The following NRXN3 variants were observed in gnomAD, a reference collection of about 807,000 sequenced individuals.
NRXN3 encodes neurexin 3.
NRXN3 carries 32 observed loss-of-function variants against 137.6 expected under a neutral mutation model. That is an observed-to-expected ratio of 0.23 (90% CI 0.18 to 0.31). NRXN3 has a LOEUF of 0.31. NRXN3 is among the 10% of genes least tolerant of loss of function. The probability of loss-of-function intolerance (pLI) is 1.00; values close to 1 mark genes in which losing one functional copy is unlikely to be tolerated. For synonymous variants in NRXN3, 798 were observed against 784.5 expected, an observed-to-expected ratio of 1.02 and a Z score of -0.29; for missense variants, 1,574 against 2,062.5, an observed-to-expected ratio of 0.76 and a Z score of 4.59.
At chr14:79,383,852 A>G (rs1161731247) in intron 15 of NRXN3, among the ~76,000 whole-genome samples, 1 of 152,132 alleles carries the variant, frequency 6.6e-6, no homozygotes, top group Admixed American at 6.6e-5. Context: ...TCTTCTCCAG[A>G]CTTTTCATTA....
At chr14:79,437,357 T>A (rs893743273) in intron 15 of NRXN3, among the ~76,000 whole-genome samples, 36 of 151,690 alleles carry the variant, frequency 2.4e-4, no homozygotes, top group Non-Finnish European at 4.7e-4. Context: ...CACAGTTTTT[T>A]CCCCGGGCTA....
At chr14:79,130,747 T>G (rs1174116527) in intron 15 of NRXN3, among the ~76,000 whole-genome samples, 7 of 152,220 alleles carry the variant, frequency 4.6e-5, no homozygotes, top group Non-Finnish European at 1.0e-4. Flanking sequence ...TTGGGGAAGT[T>G]TTCCTGGATA....
chr14:79,827,838 G>A (rs2099310030), intron 20 of NRXN3, among the ~76,000 whole-genome samples: 1 of 152,040 alleles, frequency 6.6e-6, no homozygotes. Context: ...GGGATTACAG[G>A]CTCATGCCAC....
intron 15 of NRXN3, among the ~76,000 whole-genome samples, chr14:79,127,796 T>C (rs1337693208): frequency 6.6e-6 from 1 of 152,214 alleles, no homozygotes; most frequent in Admixed American, 6.5e-5. Context: ...TATTGATTCT[T>C]CCTACCGATG....
chr14:78,901,441 C>T (rs1034444634), intron 10 of NRXN3, among the ~76,000 whole-genome samples: 2 of 151,958 alleles, frequency 1.3e-5, no homozygotes, highest in South Asian at 2.1e-4. Context: ...TTTCTTTCCA[C>T]CATGACATCA....
At chr14:79,740,712 T>TTTTATA (rs1555679790) in intron 19 of NRXN3, among the ~76,000 whole-genome samples, 10 of 16,124 alleles carry the variant, frequency 6.2e-4, no homozygotes, top group Admixed American at 1.0e-3. Flanking sequence ...ATTTAGTTTT[T>TTTTATA]TATATATATA....
intron 16 of NRXN3, among the ~76,000 whole-genome samples, chr14:79,578,870 A>G (rs1349103611): frequency 6.6e-6 from 1 of 152,136 alleles, no homozygotes; most frequent in Non-Finnish European, 1.5e-5. Flanking sequence ...AAGAATCTAT[A>G]TGTACAGTGG....
intron 10 of NRXN3, among the ~76,000 whole-genome samples, chr14:78,953,280 A>G (rs992572811): frequency 6.6e-6 from 1 of 152,190 alleles, no homozygotes; most frequent in Non-Finnish European, 1.5e-5. Context: ...TCAGCAATGC[A>G]TTATTTCCTA....
chr14:79,191,913 T>C (rs564397171), intron 15 of NRXN3, among the ~76,000 whole-genome samples: 2 of 151,994 alleles, frequency 1.3e-5, no homozygotes, highest in South Asian at 2.1e-4. Context: ...AAATCTCAAA[T>C]AGAGGTGGTC....
At chr14:79,011,412 C>G (rs1391612651) in intron 15 of NRXN3, among the ~76,000 whole-genome samples, 1 of 125,878 alleles carries the variant, frequency 7.9e-6, no homozygotes, top group Non-Finnish European at 1.6e-5. Context: ...CCACCCCATA[C>G]CTAGATGTTG....
chr14:79,103,459 A>C (rs2152851344), intron 15 of NRXN3, among the ~76,000 whole-genome samples: 1 of 152,242 alleles, frequency 6.6e-6, no homozygotes, highest in South Asian at 2.1e-4. Context: ...GGGAAAAGAT[A>C]ATGAGTTCGT....
Position 79,100,584 on chromosome 14 carries a change from C to A in NRXN3, c.3262+112443C>A, listed in dbSNP as rs575650345. 2.4e-4 allele frequency among the ~76,000 whole-genome samples: 37 copies of A among 152,050 alleles called. 1 individual carries two copies. The South Asian group carries it at 7.3e-3, about 30-fold the overall frequency. ...CTTTACATCAAGAGTTTAACAGAAA[C>A]ATATTCCTGAACAAATTTCCATTGC... is the stretch of plus-strand genomic sequence containing the variant. On this transcript the variant is annotated intron_variant, in intron 15 of 20. Transcript: ENST00000335750.
chr14:79,265,313 C>T (rs1416019884), intron 15 of NRXN3, among the ~76,000 whole-genome samples: 3 of 148,006 alleles, frequency 2.0e-5, no homozygotes, highest in African/African-American at 7.5e-5. Context: ...GAAGAAAAGG[C>T]CAAGAGTTTC....
chr14:78,916,800 G>T (rs1008074892), intron 10 of NRXN3, among the ~76,000 whole-genome samples: 5 of 152,162 alleles, frequency 3.3e-5, no homozygotes, highest in Non-Finnish European at 7.3e-5. Flanking sequence ...GTTCTGCAGG[G>T]TGGACCTCCC....
chr14:79,598,870 T>C (rs1402516790), intron 16 of NRXN3, among the ~76,000 whole-genome samples: 1 of 152,174 alleles, frequency 6.6e-6, no homozygotes, highest in Non-Finnish European at 1.5e-5. Context: ...GCTGCTTCCC[T>C]GATAAACAGC....
intron 2 of NRXN3, among the ~76,000 whole-genome samples, chr14:78,265,076 A>T (rs1290082385): frequency 1.3e-5 from 2 of 152,220 alleles, no homozygotes; most frequent in Non-Finnish European, 2.9e-5. Flanking sequence ...CCCAGTTGCC[A>T]CTGCCGTACT....
intron 4 of NRXN3, among the ~76,000 whole-genome samples, chr14:78,514,735 C>T (rs929439017): frequency 6.6e-6 from 1 of 152,040 alleles, no homozygotes; most frequent in African/African-American, 2.4e-5. Flanking sequence ...AGTCATAGAA[C>T]TATGAAATGT....
At chr14:78,781,666 T>C (rs1225128240) in intron 8 of NRXN3, among the ~76,000 whole-genome samples, 1 of 152,176 alleles carries the variant, frequency 6.6e-6, no homozygotes, top group Non-Finnish European at 1.5e-5. Context: ...AATTCTAAAA[T>C]ATCAAGGCTC....
chr14:78,173,288 G>A (rs1405890445), intron 1 of NRXN3, among the ~76,000 whole-genome samples: 1 of 151,618 alleles, frequency 6.6e-6, no homozygotes, highest in Non-Finnish European at 1.5e-5. Context: ...TTCTTCAATT[G>A]GCCTTTTAGA....
Sources: gnomAD v4.1 joint callset for allele counts (sites outside exome capture counted in the v4.1 genomes callset) on GRCh38, gnomAD v4.1.1 for gene constraint, MANE v1.5 for transcripts, NCBI Gene and HGNC (gene_info 2026-07-23, HGNC 2026-07-21) for gene names.